PAK1: variants seen among roughly 807,000 people sequenced by gnomAD.
PAK1 encodes the protein p21 (RAC1) activated kinase 1, also known as serine/threonine-protein kinase PAK 1.
A neutral mutation model predicts 67.4 loss-of-function variants in PAK1; 29 were observed. The ratio of observed to expected loss-of-function variants is 0.43; its 90% CI spans 0.32 to 0.59. The LOEUF is 0.59. Ranked by LOEUF, PAK1 falls within the 20% of genes least tolerant of loss-of-function variation. The probability of loss-of-function intolerance (pLI) is 0.07; values close to 1 mark genes in which losing one functional copy is unlikely to be tolerated. For missense variants in PAK1, 337 were observed against 670.7 expected, an observed-to-expected ratio of 0.50 and a Z score of 5.50; for synonymous variants, 223 against 237.4, an observed-to-expected ratio of 0.94 and a Z score of 0.56.
chr11:77,480,001 G>T, the PAK1 span, among the ~76,000 whole-genome samples: 1 of 152,176 alleles, frequency 6.6e-6, no homozygotes, highest in African/African-American at 2.4e-5. Context: ...AGAAAGAGAA[G>T]TAAGTTTTTT....
chr11:77,460,870 C>T (rs1419180558), intron 1 of PAK1, among the ~76,000 whole-genome samples: 1 of 151,684 alleles, frequency 6.6e-6, no homozygotes, highest in African/African-American at 2.4e-5. Context: ...AGGGTGGGGG[C>T]AGAGAGGTAA....
chr11:77,449,764 A>G (rs1005266036), intron 1 of PAK1, among the ~76,000 whole-genome samples: 1 of 151,842 alleles, frequency 6.6e-6, no homozygotes, highest in Non-Finnish European at 1.5e-5. Flanking sequence ...ACTAGGAAAC[A>G]GTTTCTCAAT....
At chr11:77,484,214 T>A in the PAK1 span, among the ~76,000 whole-genome samples, 2 of 139,640 alleles carry the variant, frequency 1.4e-5, no homozygotes, top group African/African-American at 5.4e-5. Context: ...AAAAAAGTTA[T>A]CCATAAAAAA....
chr11:77,336,196 C>A lies in PAK1; in HGVS notation c.1303G>T (p.Val435Phe), dbSNP rs1444868571. Residue 435 changes from valine to phenylalanine, a missense_variant, in exon 13 of 15, where the codon GTT (valine) becomes TTT (phenylalanine). Val to Phe is a conservative substitution (Grantham distance 50). This residue lies in a region of PAK1 where 71 missense variants were observed against 160.5 expected (regional missense o/e 0.44). Coordinates refer to ENST00000356341, the MANE Select transcript of PAK1 (RefSeq NM_002576.5). ...GGCCCATAGGCCTTTCGTGTCACAA[C>A]CTCTGGTGCCATCCAGTATGGGGTT... ...VGTPYWMAPE[V>F]VTRKAYGPKV... 6.2e-7 allele frequency: 1 copy of A among 1,613,894 alleles called. No homozygotes were observed. Among genetic ancestry groups the A allele is most frequent in the Non-Finnish European group, 8.5e-7 (1 of 1,179,866 alleles).
chr11:77,368,953 T>C (rs1323469483), intron 5 of PAK1, among the ~76,000 whole-genome samples: 1 of 152,208 alleles, frequency 6.6e-6, no homozygotes, highest in Non-Finnish European at 1.5e-5. Context: ...TCAGAAGTGA[T>C]CTGTGGGTGG....
chr11:77,478,610 C>A (rs544370808), upstream of PAK1, among the ~76,000 whole-genome samples: 93 of 148,704 alleles, frequency 6.3e-4, no homozygotes, highest in Non-Finnish European at 1.2e-3. Flanking sequence ...CCAATCTCTA[C>A]TAAAATACAA....
intron 5 of PAK1, among the ~76,000 whole-genome samples, chr11:77,371,707 G>T (rs1948451965): frequency 6.6e-6 from 1 of 152,180 alleles, no homozygotes; most frequent in Non-Finnish European, 1.5e-5. Context: ...TGTAAAACTA[G>T]TAAGGATATA....
intron 5 of PAK1, among the ~76,000 whole-genome samples, chr11:77,364,434 A>C (rs945073231): frequency 1.3e-5 from 2 of 152,196 alleles, no homozygotes; most frequent in African/African-American, 4.8e-5. Context: ...ACAAAACAAC[A>C]ACAACAAAAC....
chr11:77,398,155 ATTG>A (rs1230105232), intron 1 of PAK1, among the ~76,000 whole-genome samples: 2 of 152,294 alleles, frequency 1.3e-5, no homozygotes, highest in Admixed American at 6.5e-5. Context: ...TAAATATGCA[ATTG>A]TTATTATTGA....
chr11:77,495,276 C>A, the PAK1 span, among the ~76,000 whole-genome samples: 1 of 151,774 alleles, frequency 6.6e-6, no homozygotes, highest in Non-Finnish European at 1.5e-5. Flanking sequence ...GAGTTCGAGA[C>A]CAGCCTGGCC....
At chr11:77,519,404 T>C in the PAK1 span, among the ~76,000 whole-genome samples, 1 of 152,210 alleles carries the variant, frequency 6.6e-6, no homozygotes, top group Non-Finnish European at 1.5e-5. Flanking sequence ...TCATGTAAAC[T>C]AGAAAATTAG....
rs550836027 is a variant in PAK1, at chr11:77,426,162, A to G, written c.-21-33621T>C. Among the ~76,000 whole-genome samples the G allele has an allele frequency of 6.0e-5, 9 of 150,502 alleles. No homozygotes were observed. The East Asian group carries it at 1.8e-3, about 29-fold the overall frequency. ...CAAAAGGAGTCTCAGACTAGGAGTC[A>G]GAGGTCTCTGTTTTCAGACAAGCCA... On this transcript the variant is annotated intron_variant, in intron 1 of 14. Coordinates refer to ENST00000356341, the MANE Select transcript of PAK1 (RefSeq NM_002576.5).
chr11:77,417,329 G>A (rs992342644), intron 1 of PAK1, among the ~76,000 whole-genome samples: 9 of 152,110 alleles, frequency 5.9e-5, no homozygotes, highest in African/African-American at 2.2e-4. Flanking sequence ...CCCACAAAAA[G>A]ACATGGAAGA....
At chr11:77,377,782 A>C (rs527570214) in intron 4 of PAK1, among the ~76,000 whole-genome samples, 3 of 152,358 alleles carry the variant, frequency 2.0e-5, no homozygotes, top group African/African-American at 7.2e-5. Context: ...ACAGCCTCTA[A>C]CCTGATGTTT....
At chr11:77,427,485 T>A (rs1955611541) in intron 1 of PAK1, among the ~76,000 whole-genome samples, 1 of 152,220 alleles carries the variant, frequency 6.6e-6, no homozygotes. Context: ...GACCCAAGGA[T>A]GCCAGACTCC....
intron 13 of PAK1, 43 bp from the exon 14 acceptor site, chr11:77,332,910 CTCT>C (rs1159793424): frequency 1.3e-6 from 2 of 1,597,890 alleles, no homozygotes; most frequent in Admixed American, 3.3e-5. Flanking sequence ...CCAAATGAGG[CTCT>C]CTCTTGTTCC....
At chr11:77,396,181 C>T (rs1348713794) in intron 1 of PAK1, among the ~76,000 whole-genome samples, 1 of 152,210 alleles carries the variant, frequency 6.6e-6, no homozygotes, top group Non-Finnish European at 1.5e-5. Flanking sequence ...TAGATCTTCA[C>T]TTTCAAAGAG....
intron 1 of PAK1, among the ~76,000 whole-genome samples, chr11:77,447,964 A>G (rs891255693): frequency 2.6e-5 from 4 of 152,194 alleles, no homozygotes; most frequent in African/African-American, 7.2e-5. Context: ...CCACACTCCC[A>G]TTTGAACTCT....
chr11:77,394,480 C>T (rs1168367101), intron 1 of PAK1, among the ~76,000 whole-genome samples: 2 of 152,024 alleles, frequency 1.3e-5, no homozygotes, highest in African/African-American at 4.8e-5. Flanking sequence ...GATCCCCCCA[C>T]ATCCAGTTTT....
Sources: allele counts gnomAD v4.1 joint callset (sites outside exome capture counted in the v4.1 genomes callset), GRCh38; gene constraint gnomAD v4.1.1; regional missense constraint gnomAD v4.1.1; transcripts MANE v1.5; gene names NCBI Gene and HGNC (gene_info 2026-07-23, HGNC 2026-07-21).